Variants in DIXDC1 observed in about 807,000 individuals in gnomAD.
The protein encoded by DIXDC1 is DIX domain containing 1.
DIXDC1 carries 64 observed loss-of-function variants against 103.1 expected under a neutral mutation model. That is an observed-to-expected ratio of 0.62 (90% CI 0.51 to 0.76). The LOEUF is 0.76. Among genes scored for constraint, DIXDC1 ranks in the 30% least tolerant of loss-of-function variants. The probability of loss-of-function intolerance (pLI) is 0.00; values close to 1 mark genes in which losing one functional copy is unlikely to be tolerated. For synonymous variants in DIXDC1, 266 were observed against 298.5 expected (o/e 0.89, Z 1.12); for missense variants, 759 against 834.2 (o/e 0.91, Z 1.11).
intron 17 of DIXDC1, among the ~76,000 whole-genome samples, chr11:112,012,925 A>C (rs1343217831): frequency 6.6e-6 from 1 of 152,222 alleles, no homozygotes; most frequent in Non-Finnish European, 1.5e-5. Context: ...GTAGCATTTG[A>C]CATCATGATT....
rs57018568 is a variant in DIXDC1 at position 111,937,408 on chromosome 11, G to A, written c.-92G>A. The A allele has an allele frequency of 4.7e-3, 7,153 of 1,517,802 alleles. 300 individuals carry two copies. The African/African-American group carries it at 0.087, about 18-fold the overall frequency. The allele number at this position is 1,517,802 out of a possible 1,614,324, so 94.0% of individuals were successfully genotyped here. A position where few individuals can be genotyped will look rare whatever the true frequency, so the allele number is the denominator to read the frequency against. The stretch of plus-strand genomic sequence containing the variant: ...GACTCCGGAGGGATCCCAATGAGCT[G>A]AGCCGAGAGCCTTTGTGTGCAGAGG... On this transcript the variant is annotated 5_prime_UTR_variant, in exon 1 of 20. It removes the in-frame stop codon of an upstream open reading frame in the 5' UTR. Transcript: ENST00000440460.
chr11:112,014,844 G>C (rs1861539078), intron 17 of DIXDC1, among the ~76,000 whole-genome samples: 4 of 151,936 alleles, frequency 2.6e-5, no homozygotes. Flanking sequence ...CTAGATGCTG[G>C]GGCAAAGGAG....
chr11:111,963,428 AAG>A (rs1859637810), intron 1 of DIXDC1, among the ~76,000 whole-genome samples: 1 of 152,232 alleles, frequency 6.6e-6, no homozygotes, highest in Non-Finnish European at 1.5e-5. Context: ...CAAATTGACA[AAG>A]AGAGAAAATA....
intron 6 of DIXDC1, among the ~76,000 whole-genome samples, chr11:111,981,410 T>C (rs1860303455): frequency 6.6e-6 from 1 of 152,208 alleles, no homozygotes; most frequent in African/African-American, 2.4e-5. Flanking sequence ...AGACTTAGAA[T>C]TGTATTTACC....
rs797036451 is a variant in DIXDC1, at chr11:111,996,319, G to A, written c.1756+173G>A. ...TAGTTCTAAGACTATGAAGACATAT[G>A]CCATCACCACCCCCAGTGCCATTTA... is the stretch of plus-strand genomic sequence containing the variant. On this transcript the variant is annotated intron_variant, in intron 17 of 19. Coordinates refer to ENST00000440460, the MANE Select transcript of DIXDC1 (RefSeq NM_001037954.4). 19 of 542,334 alleles carry A rather than the reference G, an allele frequency of 3.5e-5. 1 individual carries two copies. In the African/African-American group the frequency reaches 3.5e-4, roughly 10 times the overall value. The allele number at this position is 542,334 out of a possible 1,614,324, so 33.6% of individuals were successfully genotyped here.
At chr11:111,980,950 A>C in intron 6 of DIXDC1, 101 bp downstream of exon 6, 27 of 912,646 alleles carry the variant, frequency 3.0e-5, no homozygotes, top group Non-Finnish European at 4.1e-5. Context: ...CCCCATCTCC[A>C]TGGTCTGTGC....
At chr11:112,009,996 A>G (rs1046253083) in intron 17 of DIXDC1, among the ~76,000 whole-genome samples, 9 of 152,228 alleles carry the variant, frequency 5.9e-5, no homozygotes, top group South Asian at 2.1e-4. Context: ...AGGGTATTCA[A>G]TTTGGAAAAG....
intron 2 of DIXDC1, among the ~76,000 whole-genome samples, chr11:111,930,468 A>G (rs1281184218): frequency 6.6e-6 from 1 of 152,110 alleles, no homozygotes; most frequent in Non-Finnish European, 1.5e-5. Flanking sequence ...TTTAGTAGAG[A>G]TGGGGTTTCA....
Position 111,993,561 on chromosome 11 carries a change from G to A in DIXDC1, c.1338G>A (p.Arg446=), listed in dbSNP as rs1555174820. ...QHQAKLEEAL[R]KLSDVSYHQV... ...AGGCCAAGTTAGAAGAAGCACTCCG[G>A]AAACTCTCTGATGTCAGTTACCACC... Residue 446 remains arginine (R), a synonymous_variant, in exon 13 of 20, where the codon CGG becomes CGA. Coordinates refer to ENST00000440460, the MANE Select transcript of DIXDC1 (RefSeq NM_001037954.4). The A allele has an allele frequency of 6.2e-7, 1 of 1,613,994 alleles. No individual in the cohort carries two copies.
intron 1 of DIXDC1, among the ~76,000 whole-genome samples, chr11:111,946,354 C>T (rs1461791602): frequency 2.0e-5 from 3 of 152,104 alleles, no homozygotes; most frequent in Non-Finnish European, 2.9e-5. Context: ...ATGATCCGCC[C>T]GCCTTGGCCT....
intron 17 of DIXDC1, among the ~76,000 whole-genome samples, chr11:112,014,510 G>A (rs1861527544): frequency 6.6e-6 from 1 of 152,118 alleles, no homozygotes; most frequent in Non-Finnish European, 1.5e-5. Context: ...TTTAAAAGGT[G>A]CTTTTAAAAA....
rs1859471063 is a variant in DIXDC1, at chr11:111,958,680, C to G, written c.61-5869C>G. ...TTCCCGGTGAAGCCCCACCTTCAAA[C>G]CAGGGAGGCCTGAAGCCTGGGGGGT... is the stretch of plus-strand genomic sequence containing the variant. On this transcript the variant is annotated intron_variant, in intron 1 of 19. Transcript: ENST00000440460. This position sits in a 1 kb window ranked among gnomAD's most constrained non-coding sequence, Gnocchi z 4.2. 6.6e-6 allele frequency among the ~76,000 whole-genome samples: 1 copy of G among 152,148 alleles called. No homozygotes were observed. The highest frequency in any genetic ancestry group is 1.5e-5 in the Non-Finnish European group (1 of 68,004).
At chr11:112,005,221 A>T (rs1861198149) in intron 17 of DIXDC1, among the ~76,000 whole-genome samples, 2 of 152,212 alleles carry the variant, frequency 1.3e-5, no homozygotes, top group African/African-American at 4.8e-5. Context: ...AAAAAGATGG[A>T]TAAAGATATA....
chr11:112,012,683 G>GT (rs1861461221), intron 17 of DIXDC1, among the ~76,000 whole-genome samples: 1 of 152,056 alleles, frequency 6.6e-6, no homozygotes, highest in Non-Finnish European at 1.5e-5. Flanking sequence ...TCCTGCATGA[G>GT]TTTTTTTGTA....
intron 7 of DIXDC1, 84 bp from the exon 8 acceptor site, chr11:111,985,148 C>A: frequency 9.1e-7 from 1 of 1,101,814 alleles, no homozygotes; most frequent in Non-Finnish European, 1.3e-6. Context: ...GTGATTTTAA[C>A]TTGGGGTGAG....
chr11:111,952,778 C>G (rs1426681793), intron 1 of DIXDC1, among the ~76,000 whole-genome samples: 1 of 151,666 alleles, frequency 6.6e-6, no homozygotes, highest in Non-Finnish European at 1.5e-5. Context: ...CGAGATCACA[C>G]CACTACACTC....
At chr11:112,010,262 C>T (rs113694823) in intron 17 of DIXDC1, among the ~76,000 whole-genome samples, 2,175 of 152,262 alleles carry the variant, frequency 0.014, 55 homozygotes, top group African/African-American at 0.05. Flanking sequence ...TGAAGGACCT[C>T]TTCATGGAGA....
intron 8 of DIXDC1, among the ~76,000 whole-genome samples, chr11:111,986,656 G>A (rs1225190145): frequency 1.3e-5 from 2 of 151,924 alleles, no homozygotes; most frequent in Non-Finnish European, 2.9e-5. Context: ...GAGCCACCAC[G>A]CCTGGCCCAC....
intron 5 of DIXDC1, chr11:111,975,690 G>A: frequency 4.1e-6 from 4 of 985,508 alleles, no homozygotes; most frequent in Non-Finnish European, 4.8e-6. Context: ...CATAATTTAT[G>A]CTCTAATGAC....
Sources: allele counts gnomAD v4.1 joint callset (sites outside exome capture counted in the v4.1 genomes callset), GRCh38; gene constraint gnomAD v4.1.1; non-coding constraint Gnocchi (gnomAD v3.1); transcripts MANE v1.5; gene names NCBI Gene and HGNC (gene_info 2026-07-23, HGNC 2026-07-21).